PP2D1: variants seen among roughly 807,000 people sequenced by gnomAD.
The protein encoded by PP2D1 is protein phosphatase 2C-like domain-containing protein 1.
In PP2D1, 25 loss-of-function variants were observed where a neutral mutation model predicts 30.2. The ratio of observed to expected loss-of-function variants is 0.83; its 90% confidence interval spans 0.60 to 1.16. The LOEUF is 1.16. Ranked by LOEUF, PP2D1 falls within the 50% of genes most tolerant of loss-of-function variation. The pLI is 0.00. For synonymous variants in PP2D1, 260 were observed against 258.9 expected (o/e 1.00, Z -0.04); for missense variants, 760 against 742.4 (o/e 1.02, Z -0.28).
At chr3:19,998,259 G>C (rs1366208410) in intron 2 of PP2D1, among the ~76,000 whole-genome samples, 1 of 152,066 alleles carries the variant, frequency 6.6e-6, no homozygotes, top group African/African-American at 2.4e-5. Context: ...AAACCCGGGA[G>C]GCGGAGATTG....
At chr3:20,002,932 G>C (rs1352120721) in intron 1 of PP2D1, among the ~76,000 whole-genome samples, 1 of 152,082 alleles carries the variant, frequency 6.6e-6, no homozygotes, top group Non-Finnish European at 1.5e-5. Flanking sequence ...GCAGGTGCCT[G>C]TAATCCCAGT....
chr3:20,004,576 G>A (rs904404876), intron 1 of PP2D1, among the ~76,000 whole-genome samples: 4 of 152,110 alleles, frequency 2.6e-5, no homozygotes, highest in African/African-American at 9.7e-5. Flanking sequence ...ACAACAAAGA[G>A]GTACAGGGCG....
chr3:19,987,545 G>A (rs1019836865), intron 2 of PP2D1, among the ~76,000 whole-genome samples: 1 of 152,030 alleles, frequency 6.6e-6, no homozygotes, highest in African/African-American at 2.4e-5. Context: ...ATTGTACCTG[G>A]GATCATTTAG....
At chr3:20,002,600 A>G (rs553957331) in intron 1 of PP2D1, among the ~76,000 whole-genome samples, 1 of 152,272 alleles carries the variant, frequency 6.6e-6, no homozygotes, top group South Asian at 2.1e-4. Context: ...CAACAAACCT[A>G]CTGTGCTGCC....
At chr3:19,991,051 G>A (rs1697113777) in intron 2 of PP2D1, among the ~76,000 whole-genome samples, 1 of 152,168 alleles carries the variant, frequency 6.6e-6, no homozygotes, top group South Asian at 2.1e-4. Context: ...CTAGACAAAG[G>A]TAACAGCTTT....
Position 19,986,042 on chromosome 3 carries a change from C to T in PP2D1, c.1231G>A (p.Glu411Lys), listed in dbSNP as rs1397212314. Residue 411 changes from glutamate (E) to lysine (K), a missense_variant, in exon 3 of 3, where the codon GAG (glutamate) becomes AAG (lysine). By Grantham distance (56) the Glu-to-Lys change is moderately conservative. Coordinates refer to ENST00000389050, the MANE Select transcript of PP2D1 (RefSeq NM_001252657.2). ...ISSNEPYGLV[E>K]GQVKTTRGLG... Reference sequence around the variant, plus strand: ...CCTCGTGTAGTTTTTACTTGCCCCTCTACAAGCCCGTATGGTTCATTTGAA... The same window carrying T: ...CCTCGTGTAGTTTTTACTTGCCCCTTTACAAGCCCGTATGGTTCATTTGAA... 1 of 1,536,096 alleles carries T rather than the reference C, an allele frequency of 6.5e-7. No homozygotes were observed. Among genetic ancestry groups the T allele is most frequent in the South Asian group, 1.2e-5 (1 of 84,056 alleles).
intron 2 of PP2D1, among the ~76,000 whole-genome samples, chr3:19,995,986 T>C (rs996439582): frequency 6.6e-6 from 1 of 151,952 alleles, no homozygotes; most frequent in African/African-American, 2.4e-5. Context: ...ATAGGGAAAT[T>C]TATAGTAATA....
chr3:20,002,325 C>T (rs1697266710), intron 1 of PP2D1, among the ~76,000 whole-genome samples: 1 of 152,192 alleles, frequency 6.6e-6, no homozygotes, highest in South Asian at 2.1e-4. Context: ...GTCAGCTAGA[C>T]ATCTAAGCAA....
intron 2 of PP2D1, among the ~76,000 whole-genome samples, chr3:20,000,084 G>A (rs563021237): frequency 3.0e-4 from 46 of 152,192 alleles, no homozygotes; most frequent in African/African-American, 1.0e-3. Context: ...TCCCACTCGC[G>A]GAGGCCCAGC....
chr3:19,996,651 T>C (rs1697183170), intron 2 of PP2D1, among the ~76,000 whole-genome samples: 1 of 152,044 alleles, frequency 6.6e-6, no homozygotes, highest in Non-Finnish European at 1.5e-5. Context: ...TATAGGCCAA[T>C]ATCCCTGATG....
intron 1 of PP2D1, among the ~76,000 whole-genome samples, chr3:20,007,628 C>T (rs1453271816): frequency 2.0e-5 from 3 of 151,712 alleles, no homozygotes; most frequent in Admixed American, 6.6e-5. Flanking sequence ...ATTAGCCAAG[C>T]GTGGTGGCGT....
intron 1 of PP2D1, 103 bp downstream of exon 1, chr3:20,011,947 C>T (rs986558420): frequency 8.2e-5 from 72 of 874,572 alleles, no homozygotes; most frequent in Non-Finnish European, 1.2e-4. Context: ...AACAGGAAGC[C>T]AAGGTTTCAT....
intron 2 of PP2D1, chr3:19,997,050 A>G (rs1258681415): frequency 1.3e-5 from 2 of 152,182 alleles, no homozygotes; most frequent in African/African-American, 4.8e-5. Flanking sequence ...CAAATTAGGC[A>G]TAGAAGAAAC....
intron 1 of PP2D1, among the ~76,000 whole-genome samples, chr3:20,006,444 A>T (rs1419999333): frequency 1.3e-5 from 2 of 152,070 alleles, no homozygotes; most frequent in Middle Eastern, 3.2e-3. Context: ...CCATGCATGG[A>T]TACAAAAATC....
At chr3:19,998,524 A>C (rs1206970371) in intron 2 of PP2D1, among the ~76,000 whole-genome samples, 1 of 152,204 alleles carries the variant, frequency 6.6e-6, no homozygotes. Context: ...TGATTTGATC[A>C]TTACATATTA....
chr3:19,999,794 C>T (rs1697230059), intron 2 of PP2D1, among the ~76,000 whole-genome samples: 1 of 152,114 alleles, frequency 6.6e-6, no homozygotes, highest in Non-Finnish European at 1.5e-5. Flanking sequence ...ATAGGGGTCC[C>T]AATTCCAAGA....
rs940642100 is a variant in PP2D1 at position 19,987,467 on chromosome 3, C to G, written c.1091-1285G>C. Among the ~76,000 whole-genome samples, 3 of 152,018 alleles carry G rather than the reference C, an allele frequency of 2.0e-5. No individual in the cohort carries two copies. The East Asian group carries it at 5.8e-4, about 29-fold the overall frequency. The stretch of plus-strand genomic sequence containing the variant: ...TAATGATATTTGAATATTATAACAT[C>G]TTTGAGATTTAAAATTCCTGGAATA... On this transcript the variant is annotated intron_variant, in intron 2 of 2. Coordinates refer to ENST00000389050, the MANE Select transcript of PP2D1 (RefSeq NM_001252657.2).
At chr3:19,994,993 G>A (rs762853541) in intron 2 of PP2D1, among the ~76,000 whole-genome samples, 5 of 152,172 alleles carry the variant, frequency 3.3e-5, no homozygotes, top group African/African-American at 4.8e-5. Context: ...ATATTAATTC[G>A]TGAATCATTA....
At chr3:20,004,052 T>G (rs183472547) in intron 1 of PP2D1, among the ~76,000 whole-genome samples, 1 of 152,338 alleles carries the variant, frequency 6.6e-6, no homozygotes, top group Non-Finnish European at 1.5e-5. Flanking sequence ...TGCAATAATG[T>G]GCTAGACCTT....
Sources: gnomAD v4.1 joint callset for allele counts (sites outside exome capture counted in the v4.1 genomes callset) on GRCh38, gnomAD v4.1.1 for gene constraint, MANE v1.5 for transcripts, NCBI Gene and HGNC (gene_info 2026-07-23, HGNC 2026-07-21) for gene names.